Variants in APP observed in about 807,000 individuals in gnomAD.
The protein encoded by APP is amyloid beta precursor protein.
Under a neutral mutation model 101.4 loss-of-function variants are expected in APP, and 31 were observed. That is an observed-to-expected ratio of 0.31 (90% CI 0.23 to 0.41). The LOEUF (loss-of-function observed/expected upper bound fraction) is 0.41. Ranked by LOEUF, APP falls within the 10% of genes least tolerant of loss-of-function variation. APP has a pLI of 1.00. For synonymous variants in APP, 366 were observed against 364.4 expected, an observed-to-expected ratio of 1.00 and a Z score of -0.05; for missense variants, 839 against 1,003.7, an observed-to-expected ratio of 0.84 and a Z score of 2.22.
chr21:26,046,538 T>C (rs1310186586), intron 5 of APP, among the ~76,000 whole-genome samples: 1 of 151,270 alleles, frequency 6.6e-6, no homozygotes, highest in African/African-American at 2.4e-5. Flanking sequence ...AAAAAAATGT[T>C]CAAAGAAATA....
At chr21:25,916,893 T>C (rs1314037024) in intron 13 of APP, among the ~76,000 whole-genome samples, 1 of 152,238 alleles carries the variant, frequency 6.6e-6, no homozygotes, top group African/African-American at 2.4e-5. Context: ...ATTTAAAATA[T>C]GGCTTCATCA....
At chr21:25,929,368 C>G (rs2040043075) in intron 13 of APP, among the ~76,000 whole-genome samples, 2 of 151,876 alleles carry the variant, frequency 1.3e-5, no homozygotes, top group East Asian at 3.9e-4. Context: ...ATTCTAACAG[C>G]AGAAATAATC....
chr21:26,151,950 A>G (rs1317194311), intron 1 of APP, among the ~76,000 whole-genome samples: 4 of 152,146 alleles, frequency 2.6e-5, no homozygotes, highest in African/African-American at 9.7e-5. Context: ...CACTACTTCC[A>G]GCCTATGTTC....
At chr21:25,899,803 T>C (rs758719500) in intron 15 of APP, among the ~76,000 whole-genome samples, 33 of 152,336 alleles carry the variant, frequency 2.2e-4, no homozygotes, top group Admixed American at 3.9e-4. Flanking sequence ...TACGTAGCAA[T>C]AGGTAACTAA....
intron 16 of APP, among the ~76,000 whole-genome samples, chr21:25,894,812 T>G (rs2037925581): frequency 6.6e-6 from 1 of 152,188 alleles, no homozygotes; most frequent in Admixed American, 6.5e-5. Flanking sequence ...CTGACTCCAA[T>G]TTTGAAAGCT....
At chr21:26,111,087 T>TTA (rs1446696573) in intron 2 of APP, among the ~76,000 whole-genome samples, 13 of 88,480 alleles carry the variant, frequency 1.5e-4, no homozygotes, top group African/African-American at 5.3e-4. Context: ...AAAGTTAAGT[T>TTA]AAAAAAAAAA....
chr21:26,098,736 C>A (rs2061998523), intron 2 of APP, among the ~76,000 whole-genome samples: 1 of 152,180 alleles, frequency 6.6e-6, no homozygotes, highest in Non-Finnish European at 1.5e-5. Flanking sequence ...CTTAGTCATT[C>A]AATTTTTAAA....
At chr21:26,063,730 A>G (rs747561300) in intron 3 of APP, among the ~76,000 whole-genome samples, 1 of 152,248 alleles carries the variant, frequency 6.6e-6, no homozygotes, top group African/African-American at 2.4e-5. Flanking sequence ...TCCTGCGCAG[A>G]AGAATTCCAA....
intron 3 of APP, among the ~76,000 whole-genome samples, chr21:26,087,040 T>C (rs2061719471): frequency 6.6e-6 from 1 of 152,240 alleles, no homozygotes; most frequent in African/African-American, 2.4e-5. Flanking sequence ...GTTACACCTA[T>C]GTCCCTATGT....
chr21:26,036,011 A>G (rs2045092878), intron 5 of APP, among the ~76,000 whole-genome samples: 1 of 152,100 alleles, frequency 6.6e-6, no homozygotes. Context: ...AAGAACTCTC[A>G]TTTGGACATG....
intron 13 of APP, among the ~76,000 whole-genome samples, chr21:25,925,798 C>T (rs2039869438): frequency 1.3e-5 from 2 of 152,082 alleles, no homozygotes; most frequent in African/African-American, 2.4e-5. Flanking sequence ...TAGCCAGGCA[C>T]GGTGGTGTGT....
intron 13 of APP, among the ~76,000 whole-genome samples, chr21:25,940,234 A>T (rs1263871540): frequency 1.3e-5 from 2 of 152,162 alleles, no homozygotes; most frequent in Non-Finnish European, 2.9e-5. Flanking sequence ...CATGATTTTA[A>T]AGGTAATAAT....
At chr21:26,108,157 G>A (rs555205253) in intron 2 of APP, among the ~76,000 whole-genome samples, 12 of 152,260 alleles carry the variant, frequency 7.9e-5, no homozygotes, top group African/African-American at 2.4e-4. Context: ...CACGGAAACA[G>A]AATGCAACTG....
intron 9 of APP, among the ~76,000 whole-genome samples, chr21:25,980,083 G>A (rs1023350824): frequency 2.0e-5 from 3 of 152,132 alleles, no homozygotes; most frequent in Admixed American, 6.6e-5. Flanking sequence ...CAATGCCAAG[G>A]GCAAAGGGAA....
chr21:26,157,360 G>T (rs753924629), intron 1 of APP, among the ~76,000 whole-genome samples: 1 of 152,122 alleles, frequency 6.6e-6, no homozygotes, highest in Non-Finnish European at 1.5e-5. Flanking sequence ...GTGAGCCACC[G>T]TGCCCGGCCT....
At chr21:26,030,912 T>A (rs565673884) in intron 5 of APP, among the ~76,000 whole-genome samples, 125 of 152,254 alleles carry the variant, frequency 8.2e-4, no homozygotes, top group African/African-American at 2.9e-3. Flanking sequence ...TGCTCTGGAG[T>A]CTAGGGATGC....
intron 16 of APP, among the ~76,000 whole-genome samples, chr21:25,893,541 C>CTT (rs950657970): frequency 6.6e-5 from 10 of 152,194 alleles, no homozygotes; most frequent in Admixed American, 6.5e-4. Context: ...ACGGAGAAAA[C>CTT]TTTTAGTTGT....
chr21:26,070,486 T>C (rs1309448545), intron 3 of APP, among the ~76,000 whole-genome samples: 3 of 152,190 alleles, frequency 2.0e-5, no homozygotes, highest in East Asian at 1.9e-4. Flanking sequence ...CTTGATCTAG[T>C]GGCAACTGGA....
At chr21:25,982,631 C>T (rs565723965) in intron 8 of APP, among the ~76,000 whole-genome samples, 154 bp from the exon 9 acceptor site, 2 of 152,268 alleles carry the variant, frequency 1.3e-5, no homozygotes, top group African/African-American at 4.8e-5. Context: ...TTTAAGAGAA[C>T]ACCATGAGAC....
Sources: gnomAD v4.1 joint callset for allele counts (sites outside exome capture counted in the v4.1 genomes callset) on GRCh38, gnomAD v4.1.1 for gene constraint, MANE v1.5 for transcripts, NCBI Gene and HGNC (gene_info 2026-07-23, HGNC 2026-07-21) for gene names.